SYT12: variants seen among roughly 807,000 people sequenced by gnomAD.
SYT12 encodes the protein synaptotagmin 12.
In SYT12, 27 loss-of-function variants were observed where a neutral mutation model predicts 39.5. The observed-to-expected ratio is 0.68, with a 90% CI of 0.50 to 0.94. The LOEUF (loss-of-function observed/expected upper bound fraction) is 0.94, where lower values mean the gene tolerates loss of function less well. Ranked by LOEUF, SYT12 falls within the 40% of genes least tolerant of loss-of-function variation. SYT12 has a pLI of 0.00. For missense variants in SYT12, 536 were observed against 572.6 expected (o/e 0.94, Z 0.65); for synonymous variants, 233 against 239.7 (o/e 0.97, Z 0.26).
intron 2 of SYT12, chr11:67,032,912 A>G (rs568397668): frequency 6.4e-6 from 1 of 155,082 alleles, no homozygotes; most frequent in Non-Finnish European, 1.4e-5. Flanking sequence ...TCTCAAAAAA[A>G]AAAAAAAAAA....
intron 3 of SYT12, among the ~76,000 whole-genome samples, chr11:67,016,276 T>A (rs1268100395): frequency 3.9e-5 from 6 of 152,124 alleles, no homozygotes; most frequent in Admixed American, 3.3e-4. Context: ...GTGAGATTTC[T>A]GTCTCATTAA....
In SYT12 at chr11:67,035,672, T is replaced by C. The variant is rs1249173597; in HGVS notation, c.228+834T>C. Among the ~76,000 whole-genome samples the C allele has an allele frequency of 1.2e-4, 18 of 151,882 alleles. No individual in the cohort carries two copies. The East Asian group carries it at 1.6e-3, about 13-fold the overall frequency. ...CGGGGTTTCACCATGTTAGCCAGGA[T>C]GGTCTCGATCTCCTGACCTCGTGAT... On this transcript the variant is annotated intron_variant, in intron 3 of 7. Coordinates refer to ENST00000527043, the MANE Select transcript of SYT12 (RefSeq NM_177963.4).
upstream of SYT12, among the ~76,000 whole-genome samples, chr11:67,019,535 G>GC (rs1477672658): frequency 1.7e-4 from 25 of 151,212 alleles, no homozygotes; most frequent in Admixed American, 1.5e-3. Flanking sequence ...GGGGGAAACC[G>GC]CCCCCCACGA....
At chr11:67,026,318 GC>G (rs1180850058) in intron 1 of SYT12, among the ~76,000 whole-genome samples, 1 of 151,994 alleles carries the variant, frequency 6.6e-6, no homozygotes, top group African/African-American at 2.4e-5. Flanking sequence ...TGTTGCCCAG[GC>G]TGGAGTGCAG....
Position 67,043,773 on chromosome 11 carries a change from G to C in SYT12, c.757G>C (p.Val253Leu). ...GGATGAGCGCAACGTCAGCACGGGG[G>C]TGGTGGAGCTGAAGCTTTCTGTGCT... ...DEDERNVSTG[V>L]VELKLSVLDL... Residue 253 changes from valine (V) to leucine (L), a missense_variant, in exon 5 of 8, where the codon GTG becomes CTG. Val to Leu is a conservative substitution (Grantham distance 32, BLOSUM62 1). Transcript: ENST00000527043. The C allele has an allele frequency of 6.2e-7, 1 of 1,614,150 alleles. No homozygotes were observed. The highest frequency in any genetic ancestry group is 8.5e-7 in the Non-Finnish European group (1 of 1,180,042).
At chr11:67,011,373 G>A (rs1198942771) in intron 3 of SYT12, among the ~76,000 whole-genome samples, 3 of 152,166 alleles carry the variant, frequency 2.0e-5, no homozygotes, top group African/African-American at 7.2e-5. Flanking sequence ...CTCTTGAGCA[G>A]CTGGGATTAC....
chr11:67,007,160 G>A (rs1175790652), exon 1 of SYT12: 1 of 152,422 alleles, frequency 6.6e-6, no homozygotes, highest in South Asian at 2.1e-4. Context: ...GGGTGATGGA[G>A]AGGCAGGGTA....
At chr11:67,040,225 G>A (rs1326049409) in intron 4 of SYT12, 22 bp downstream of exon 4, 2 of 1,554,118 alleles carry the variant, frequency 1.3e-6, no homozygotes, top group East Asian at 4.5e-5. Context: ...TCAGGGCGGG[G>A]CAGAAGGGTG....
intron 3 of SYT12, among the ~76,000 whole-genome samples, chr11:67,012,296 G>A (rs1311208716): frequency 6.6e-6 from 1 of 151,950 alleles, no homozygotes. Context: ...GCTTGAACCC[G>A]GGAGGCGGAG....
intron 4 of SYT12, among the ~76,000 whole-genome samples, chr11:67,042,457 C>T (rs140165329): frequency 8.5e-5 from 13 of 152,256 alleles, no homozygotes; most frequent in African/African-American, 2.4e-4. Flanking sequence ...TAGCCCCTGA[C>T]GCCAACAGGA....
At chr11:67,037,352 A>G (rs536967041) in intron 3 of SYT12, among the ~76,000 whole-genome samples, 33 of 152,298 alleles carry the variant, frequency 2.2e-4, no homozygotes, top group Admixed American at 2.2e-3. Context: ...ATAAATGTCC[A>G]ACAGTGGGGA....
Position 67,040,107 on chromosome 11 carries a change from G to A in SYT12, c.525G>A (p.Gln175=). The A allele has an allele frequency of 6.2e-7, 1 of 1,613,514 alleles. No individual in the cohort carries two copies. Among genetic ancestry groups the A allele is most frequent in the Non-Finnish European group, 8.5e-7 (1 of 1,179,744 alleles). The change falls in exon 4 of 8, where the codon CAG becomes CAA. Residue 175 remains glutamine (Q), a synonymous_variant. Transcript: ENST00000527043. ...ASHTLNVAVM[Q]GKDLLEREEA... ...ACACGCTGAACGTGGCGGTGATGCA[G>A]GGCAAGGACCTCCTGGAGCGGGAGG...
chr11:67,048,454 C>G, intron 7 of SYT12, 130 bp from the exon 8 acceptor site: 1 of 944,766 alleles, frequency 1.1e-6, no homozygotes, highest in Non-Finnish European at 1.6e-6. Context: ...CCTCTTAGAT[C>G]AGAGGTGAGG....
Position 67,044,622 on chromosome 11 carries a change from C to T in SYT12, c.867C>T (p.Leu289=), listed in dbSNP as rs1327215477. ...CCGATGCTGTGGGGGAGATCCTGCT[C>T]TCCCTCAGCTACCTCCCCACAGCCG... The part of the protein sequence containing the change: ...KAADAVGEIL[L]SLSYLPTAER... The change falls in exon 6 of 8, where the codon CTC becomes CTT. Residue 289 remains leucine (L), a synonymous_variant. Transcript: ENST00000527043. 6.8e-6 allele frequency: 11 copies of T among 1,613,242 alleles called. No homozygotes were observed. The highest frequency in any genetic ancestry group is 1.3e-5 in the African/African-American group (1 of 74,932).
rs762457837 is a variant in SYT12, at chr11:67,044,647, G to A, written c.892G>A (p.Glu298Lys). The A allele has an allele frequency of 3.5e-5, 57 of 1,613,444 alleles. No individual in the cohort carries two copies. The highest frequency in any genetic ancestry group is 1.3e-4 in the Admixed American group (8 of 59,986). ...CTCCCTCAGCTACCTCCCCACAGCC[G>A]AGCGCCTCACCGTGGTCGTGGTTAA... is the stretch of plus-strand genomic sequence containing the variant. ...LLSLSYLPTA[E>K]RLTVVVVKAK... is the part of the protein sequence containing the mutation. The change falls in exon 6 of 8, where the codon GAG becomes AAG. Residue 298 changes from glutamate to lysine, a missense_variant. Glu to Lys is a moderately conservative substitution (Grantham distance 56). Transcript: ENST00000527043.
chr11:67,040,999 AAAAATAAAAT>A (rs1026375837), intron 4 of SYT12, among the ~76,000 whole-genome samples: 2 of 152,022 alleles, frequency 1.3e-5, no homozygotes, highest in African/African-American at 4.8e-5. Flanking sequence ...CTCTACCAAA[AAAAATAAAAT>A]AAAATAAAAT....
chr11:67,034,516 G>A, intron 2 of SYT12, 129 bp from the exon 3 acceptor site: 2 of 746,022 alleles, frequency 2.7e-6, no homozygotes, highest in South Asian at 4.5e-5. Context: ...TTCGACATGG[G>A]ATCTCCAGCA....
chr11:67,033,987 C>T (rs1950316325), intron 2 of SYT12, among the ~76,000 whole-genome samples: 2 of 152,160 alleles, frequency 1.3e-5, no homozygotes, highest in Non-Finnish European at 2.9e-5. Context: ...GATTTGTCTC[C>T]AAGCCCTGCA....
chr11:67,016,483 G>A (rs1398145953), intron 3 of SYT12, among the ~76,000 whole-genome samples: 1 of 152,068 alleles, frequency 6.6e-6, no homozygotes, highest in African/African-American at 2.4e-5. Context: ...TTCTAGAGAG[G>A]CTTCAGAAAG....
Sources: gnomAD v4.1 joint callset for allele counts (sites outside exome capture counted in the v4.1 genomes callset) on GRCh38, gnomAD v4.1.1 for gene constraint, MANE v1.5 for transcripts, NCBI Gene and HGNC (gene_info 2026-07-23, HGNC 2026-07-21) for gene names.